Variants in FAM13B observed in about 807,000 individuals in gnomAD.
FAM13B encodes the protein protein FAM13B.
In FAM13B, 60 loss-of-function variants were observed where a neutral mutation model predicts 117.3. That is an observed-to-expected ratio of 0.51 (90% confidence interval 0.42 to 0.63). The LOEUF is 0.63. Ranked by LOEUF, FAM13B falls within the 30% of genes least tolerant of loss-of-function variation. FAM13B has a pLI of 0.00. For synonymous variants in FAM13B, 332 were observed against 356.1 expected (o/e 0.93, Z 0.76); for missense variants, 972 against 1,091.9 (o/e 0.89, Z 1.55).
chr5:138,021,320 G>A (rs1581271958), intron 1 of FAM13B, 123 bp from the exon 2 acceptor site: 4 of 789,882 alleles, frequency 5.1e-6, no homozygotes, highest in Non-Finnish European at 6.8e-6. Flanking sequence ...TCTTCTGTCT[G>A]AAAAATCTAT....
chr5:138,009,802 C>CA (rs756061969), intron 6 of FAM13B, among the ~76,000 whole-genome samples: 52,468 of 80,280 alleles, frequency 0.65, 17,041 homozygotes, highest in Middle Eastern at 0.77. Flanking sequence ...GAGACTGTCT[C>CA]AAAAAAAAAA....
At chr5:137,973,445 T>C (rs1362649138) in intron 10 of FAM13B, among the ~76,000 whole-genome samples, 3 of 152,082 alleles carry the variant, frequency 2.0e-5, no homozygotes, top group Non-Finnish European at 1.5e-5. Context: ...TTACACCTTA[T>C]ACAAAAATCA....
chr5:137,944,165 AG>A (rs1186603172), intron 20 of FAM13B, among the ~76,000 whole-genome samples: 2 of 152,156 alleles, frequency 1.3e-5, no homozygotes, highest in Non-Finnish European at 2.9e-5. Context: ...CTTGTTTCCA[AG>A]GTTCACCCAT....
intron 10 of FAM13B, among the ~76,000 whole-genome samples, chr5:137,971,394 A>G (rs942031991): frequency 4.0e-5 from 6 of 151,772 alleles, no homozygotes; most frequent in Admixed American, 2.0e-4. Context: ...GCAGAAATAA[A>G]GATGTTCTTT....
At chr5:137,980,176 GA>G (rs528372296) in intron 10 of FAM13B, among the ~76,000 whole-genome samples, 159 of 113,960 alleles carry the variant, frequency 1.4e-3, no homozygotes, top group Middle Eastern at 4.4e-3. Context: ...TCCGTCTCAA[GA>G]AAAAAAAAAA....
At chr5:138,027,711 T>TA (rs1214047587) in intron 1 of FAM13B, among the ~76,000 whole-genome samples, 1 of 152,260 alleles carries the variant, frequency 6.6e-6, no homozygotes, top group Non-Finnish European at 1.5e-5. Context: ...TGATCAGTGA[T>TA]ACGGTTTGGC....
At chr5:137,983,592 C>T (rs1776434817) in intron 10 of FAM13B, among the ~76,000 whole-genome samples, 1 of 152,028 alleles carries the variant, frequency 6.6e-6, no homozygotes, top group Non-Finnish European at 1.5e-5. Flanking sequence ...GGTAGACAGG[C>T]AGAAACTGAT....
At position 137,938,824 on chromosome 5, in the gene FAM13B, A is replaced by G. The variant is rs1438015421; in HGVS notation, c.*1401T>C. 1 of 152,580 alleles carries G rather than the reference A, an allele frequency of 6.6e-6. No individual in the cohort carries two copies. The highest frequency in any genetic ancestry group is 1.5e-5 in the Non-Finnish European group (1 of 68,036). The allele number at this position is 152,580 out of a possible 1,614,324, so 9.5% of individuals were successfully genotyped here. A position where few individuals can be genotyped will look rare whatever the true frequency, so the allele number is the denominator to read the frequency against. The stretch of plus-strand genomic sequence containing the variant: ...AAAATTCCATTTTTATATGGAATAA[A>G]TTGTTAATATTAGCTAGTTAAGAAA... On this transcript the variant is annotated 3_prime_UTR_variant, in exon 24 of 24. Coordinates refer to ENST00000689681, the MANE Select transcript of FAM13B (RefSeq NM_001385994.1).
At chr5:137,981,882 A>G (rs1651368742) in intron 10 of FAM13B, among the ~76,000 whole-genome samples, 1 of 152,206 alleles carries the variant, frequency 6.6e-6, no homozygotes, top group South Asian at 2.1e-4. Context: ...GGCCTGCCAT[A>G]AACAGACAGT....
At chr5:138,000,366 T>G (rs2150757780) in intron 7 of FAM13B, among the ~76,000 whole-genome samples, 1 of 152,184 alleles carries the variant, frequency 6.6e-6, no homozygotes, top group Non-Finnish European at 1.5e-5. Flanking sequence ...GCCACTGCAC[T>G]CCAGCCTGGG....
chr5:138,005,967 C>T (rs1215504158), intron 7 of FAM13B, among the ~76,000 whole-genome samples: 5 of 150,930 alleles, frequency 3.3e-5, no homozygotes, highest in Admixed American at 3.3e-4. Flanking sequence ...GGCGCGATCT[C>T]GACTCACTGC....
intron 6 of FAM13B, among the ~76,000 whole-genome samples, chr5:138,009,427 A>G (rs1325357439): frequency 1.3e-5 from 2 of 152,116 alleles, no homozygotes; most frequent in African/African-American, 4.8e-5. Flanking sequence ...TTTATTAACT[A>G]GTGAAAGTTG....
chr5:138,038,778 C>T (rs1791377100), intron 1 of FAM13B, among the ~76,000 whole-genome samples: 1 of 152,206 alleles, frequency 6.6e-6, no homozygotes, highest in Non-Finnish European at 1.5e-5. Context: ...ATCTTAGCAA[C>T]CCAGAATAAC....
chr5:138,031,125 G>A (rs1789876502), intron 1 of FAM13B, among the ~76,000 whole-genome samples: 1 of 152,098 alleles, frequency 6.6e-6, no homozygotes, highest in African/African-American at 2.4e-5. Flanking sequence ...ATGGATTGAG[G>A]TTATTCATAA....
At chr5:138,038,757 A>T (rs1384147511) in intron 1 of FAM13B, among the ~76,000 whole-genome samples, 2 of 152,212 alleles carry the variant, frequency 1.3e-5, no homozygotes, top group African/African-American at 2.4e-5. Flanking sequence ...ATAATGGCAA[A>T]TACTGTTCTG....
chr5:137,955,629 A>C (rs980863638), intron 14 of FAM13B, among the ~76,000 whole-genome samples: 2 of 152,102 alleles, frequency 1.3e-5, no homozygotes, highest in Admixed American at 1.3e-4. Context: ...TTAGCTTTTT[A>C]TTTATTTATT....
At chr5:138,041,892 CAA>C (rs879539600) in intron 1 of FAM13B, among the ~76,000 whole-genome samples, 13 of 134,602 alleles carry the variant, frequency 9.7e-5, no homozygotes, top group East Asian at 2.1e-4. Context: ...GACCCTGTCT[CAA>C]AAAAAAAAAA....
chr5:137,988,223 A>G, intron 8 of FAM13B, 51 bp downstream of exon 8: 1 of 1,299,834 alleles, frequency 7.7e-7, no homozygotes, highest in Non-Finnish European at 1.1e-6. Flanking sequence ...TCTACAGCTT[A>G]GTAGTATTTT....
intron 20 of FAM13B, among the ~76,000 whole-genome samples, chr5:137,945,199 G>A (rs1401888443): frequency 6.6e-6 from 1 of 152,132 alleles, no homozygotes; most frequent in East Asian, 1.9e-4. Context: ...GAAAGCCACA[G>A]CAAACCAGAA....
Sources: allele counts gnomAD v4.1 joint callset (sites outside exome capture counted in the v4.1 genomes callset), GRCh38; gene constraint gnomAD v4.1.1; transcripts MANE v1.5; gene names NCBI Gene and HGNC (gene_info 2026-07-23, HGNC 2026-07-21).